PHACTR3: variants seen among roughly 807,000 people sequenced by gnomAD.
PHACTR3 encodes the protein protein phosphatase 1, regulatory subunit 123.
In PHACTR3, 16 loss-of-function variants were observed where a neutral mutation model predicts 66.8. That is an observed-to-expected ratio of 0.24 (90% CI 0.16 to 0.36). The LOEUF is 0.36. Ranked by LOEUF, PHACTR3 falls within the 10% of genes least tolerant of loss-of-function variation. The pLI is 1.00. For missense variants in PHACTR3, 647 were observed against 719.9 expected, an observed-to-expected ratio of 0.90 and a Z score of 1.16; for synonymous variants, 323 against 292.1, an observed-to-expected ratio of 1.11 and a Z score of -1.08.
At chr20:59,807,194 T>G (rs544239600) in intron 8 of PHACTR3, among the ~76,000 whole-genome samples, 1 of 152,366 alleles carries the variant, frequency 6.6e-6, no homozygotes, top group South Asian at 2.1e-4. Context: ...TAATAACACT[T>G]AGCACAAAAC....
chr20:59,835,519 A>C (rs1032841577), intron 8 of PHACTR3, among the ~76,000 whole-genome samples: 1 of 152,168 alleles, frequency 6.6e-6, no homozygotes, highest in African/African-American at 2.4e-5. Context: ...TTATGGCCCT[A>C]AATTCTAGGC....
intron 3 of PHACTR3, among the ~76,000 whole-genome samples, chr20:59,754,531 C>T (rs760373081): frequency 2.6e-5 from 4 of 152,236 alleles, no homozygotes; most frequent in Non-Finnish European, 5.9e-5. Context: ...GTGCCAGACA[C>T]GTAGCCGGTG....
At chr20:59,794,969 A>G (rs984598160) in intron 7 of PHACTR3, among the ~76,000 whole-genome samples, 3 of 151,934 alleles carry the variant, frequency 2.0e-5, no homozygotes, top group Admixed American at 6.6e-5. Context: ...CTCATTTGTT[A>G]ATCTTTTGTA....
chr20:59,829,776 T>C lies in PHACTR3; in HGVS notation c.1329-6729T>C, dbSNP rs1271547160. 6.6e-6 allele frequency among the ~76,000 whole-genome samples: 1 copy of C among 152,244 alleles called. No homozygotes were observed. Among genetic ancestry groups the C allele is most frequent in the Non-Finnish European group, 1.5e-5 (1 of 68,032 alleles). Reference sequence around the variant, plus strand: ...CTCTAGGAAGGCATTCTGCCTTGTATGGAAGGAATTGCTTCTCAATTTCTG... The same window carrying C: ...CTCTAGGAAGGCATTCTGCCTTGTACGGAAGGAATTGCTTCTCAATTTCTG... On this transcript the variant is annotated intron_variant, in intron 8 of 12. Transcript: ENST00000371015. The surrounding 1 kb of genome is among the most constrained non-coding windows in gnomAD (Gnocchi z 4.2).
chr20:59,759,356 A>C (rs2039916934), intron 4 of PHACTR3, among the ~76,000 whole-genome samples: 1 of 152,218 alleles, frequency 6.6e-6, no homozygotes, highest in Non-Finnish European at 1.5e-5. Context: ...AAAAATTTGC[A>C]AGCCAATGTT....
chr20:59,582,333 C>T (rs973982746), intron 1 of PHACTR3, among the ~76,000 whole-genome samples: 9 of 152,180 alleles, frequency 5.9e-5, no homozygotes, highest in Admixed American at 2.0e-4. Flanking sequence ...TGGCTGTTTT[C>T]GCCTTTCTGC....
chr20:59,622,989 A>AAAAAAAAAAAAAAAAAAAAAAAAAAAC (rs1325417969), intron 1 of PHACTR3, among the ~76,000 whole-genome samples: 1 of 141,470 alleles, frequency 7.1e-6, no homozygotes, highest in Non-Finnish European at 1.5e-5. Context: ...ACCAAAAAAA[A>AAAAAAAAAAAAAAAAAAAAAAAAAAAC]AAAAAAAAAA....
intron 1 of PHACTR3, among the ~76,000 whole-genome samples, chr20:59,594,925 G>T (rs1436448273): frequency 1.3e-5 from 2 of 152,102 alleles, no homozygotes; most frequent in Admixed American, 6.5e-5. Flanking sequence ...TATACCTTCA[G>T]TGTTATAAAT....
intron 1 of PHACTR3, among the ~76,000 whole-genome samples, chr20:59,686,725 A>ATGATGATGGTGGTGATGATGGTGG (rs1568711521): frequency 1.1e-5 from 1 of 92,352 alleles, no homozygotes; most frequent in Admixed American, 9.7e-5. Context: ...GGTGGTGGTT[A>ATGATGATGGTGGTGATGATGGTGG]TGATGATGGT....
chr20:59,604,493 TG>T, upstream of PHACTR3: 1 of 464,744 alleles, frequency 2.2e-6, no homozygotes, highest in Non-Finnish European at 2.8e-6. Context: ...CGCGGCATGA[TG>T]GGAGAATCCT....
intron 8 of PHACTR3, among the ~76,000 whole-genome samples, chr20:59,828,691 C>G (rs1401017341): frequency 6.6e-6 from 1 of 151,966 alleles, no homozygotes; most frequent in African/African-American, 2.4e-5. Context: ...GGGGCCATCA[C>G]CCGGCATGGA....
chr20:59,697,010 T>C (rs912700646), intron 1 of PHACTR3, among the ~76,000 whole-genome samples: 2 of 152,102 alleles, frequency 1.3e-5, no homozygotes, highest in Non-Finnish European at 2.9e-5. Context: ...CCCCAAATAT[T>C]TGGGCAGAGG....
intron 3 of PHACTR3, among the ~76,000 whole-genome samples, chr20:59,748,369 C>T (rs970730322): frequency 7.2e-5 from 11 of 152,004 alleles, no homozygotes; most frequent in African/African-American, 2.7e-4. Flanking sequence ...GCAGACGAGG[C>T]GTGGGAGGGT....
At position 59,693,916 on chromosome 20, in the gene PHACTR3, C is replaced by T. The variant is rs570936833; in HGVS notation, c.119-49191C>T. Among the ~76,000 whole-genome samples, 34 of 152,338 alleles carry T rather than the reference C, an allele frequency of 2.2e-4. No homozygotes were observed. In the South Asian group the frequency reaches 3.5e-3, roughly 16 times the overall value. On this transcript the variant is annotated intron_variant, in intron 1 of 12. Coordinates refer to ENST00000371015, the MANE Select transcript of PHACTR3 (RefSeq NM_080672.5). ...CAAATCGGGCCCACCATCTCTTCTG[C>T]AGGCAATTGGCAACGTAAGCCCCAG...
Position 59,604,877 on chromosome 20 carries a change from C to CTTTTTTTTTTTTT in PHACTR3, c.-128_-116dup, listed in dbSNP as rs11477768. 1.3e-4 allele frequency: 129 copies of CTTTTTTTTTTTTT among 978,526 alleles called. No individual in the cohort carries two copies. Among genetic ancestry groups the CTTTTTTTTTTTTT allele is most frequent in the Admixed American group, 6.1e-4 (9 of 14,696 alleles). The allele number at this position is 978,526 out of a possible 1,614,324, so 60.6% of individuals were successfully genotyped here. On this transcript the variant is annotated 5_prime_UTR_variant, in exon 1 of 13. Transcript: ENST00000371015. ...TCTCCAGCTCGTTTCCTTTCCCGGC[C>CTTTTTTTTTTTTT]TTTTTTTTTTTTTTTTTTTTTTAAT...
At chr20:59,841,308 T>A in intron 10 of PHACTR3, 87 bp from the exon 11 acceptor site, 1 of 1,376,594 alleles carries the variant, frequency 7.3e-7, no homozygotes, top group Non-Finnish European at 9.8e-7. Flanking sequence ...TTTGTTTTGT[T>A]TTTTAAGAGA....
chr20:59,668,418 C>T (rs1377443102), intron 1 of PHACTR3, among the ~76,000 whole-genome samples: 1 of 152,146 alleles, frequency 6.6e-6, no homozygotes, highest in African/African-American at 2.4e-5. Flanking sequence ...ACATAGGCTC[C>T]AGGCTCTTCC....
intron 4 of PHACTR3, among the ~76,000 whole-genome samples, chr20:59,765,942 G>A (rs2040166132): frequency 6.6e-6 from 1 of 152,198 alleles, no homozygotes; most frequent in African/African-American, 2.4e-5. Context: ...GATGATGTAT[G>A]CCAGGTGCCT....
intron 8 of PHACTR3, among the ~76,000 whole-genome samples, chr20:59,818,679 T>C (rs1462343772): frequency 6.6e-6 from 1 of 152,238 alleles, no homozygotes; most frequent in Non-Finnish European, 1.5e-5. Context: ...GGAAACTGCA[T>C]GGGAAGGCAT....
Sources: allele counts gnomAD v4.1 joint callset (sites outside exome capture counted in the v4.1 genomes callset), GRCh38; gene constraint gnomAD v4.1.1; non-coding constraint Gnocchi (gnomAD v3.1); transcripts MANE v1.5; gene names NCBI Gene and HGNC (gene_info 2026-07-23, HGNC 2026-07-21).